Variants in MSRA observed in about 807,000 individuals in gnomAD.
The protein encoded by MSRA is mitochondrial peptide methionine sulfoxide reductase.
In MSRA, 54 loss-of-function variants were observed where a neutral mutation model predicts 31.3. That is an observed-to-expected ratio of 1.73 (90% CI 1.39 to 2.17). The LOEUF (loss-of-function observed/expected upper bound fraction) is 2.17, where lower values mean the gene tolerates loss of function less well. MSRA is among the 30% of genes most tolerant of loss of function. MSRA has a pLI of 0.00. For synonymous variants in MSRA, 169 were observed against 116.5 expected (o/e 1.45, Z -2.90); for missense variants, 507 against 300.9 (o/e 1.69, Z -5.07).
At chr8:10,060,520 G>C (rs887749941) in intron 1 of MSRA, among the ~76,000 whole-genome samples, 5 of 152,102 alleles carry the variant, frequency 3.3e-5, no homozygotes, top group African/African-American at 9.7e-5. Context: ...TTTGTAACTT[G>C]CTTCTTGTAA....
intron 1 of MSRA, among the ~76,000 whole-genome samples, chr8:10,136,662 C>G (rs1447752016): frequency 6.6e-6 from 1 of 152,204 alleles, no homozygotes; most frequent in East Asian, 1.9e-4. Context: ...TGGTTAGATG[C>G]AGGCCTTCCA....
intron 1 of MSRA, among the ~76,000 whole-genome samples, chr8:10,083,136 T>C (rs2128923885): frequency 6.6e-6 from 1 of 152,334 alleles, no homozygotes; most frequent in Middle Eastern, 3.4e-3. Flanking sequence ...ATCACTCAGA[T>C]ACATTTTTTT....
At chr8:10,279,822 A>G (rs1371138199) in intron 3 of MSRA, among the ~76,000 whole-genome samples, 2 of 152,196 alleles carry the variant, frequency 1.3e-5, no homozygotes, top group African/African-American at 2.4e-5. Flanking sequence ...ATAGGCCATG[A>G]ATATGTATAT....
chr8:10,294,375 G>T (rs1005855970), intron 3 of MSRA, among the ~76,000 whole-genome samples: 2 of 152,214 alleles, frequency 1.3e-5, no homozygotes, highest in African/African-American at 4.8e-5. Context: ...TGCTGGGCCA[G>T]ACTGCTCAAA....
intron 1 of MSRA, among the ~76,000 whole-genome samples, chr8:10,057,629 C>G (rs1445698633): frequency 6.6e-6 from 1 of 152,064 alleles, no homozygotes; most frequent in Non-Finnish European, 1.5e-5. Context: ...TTGAAACATG[C>G]GGGGGGTGGA....
chr8:10,350,987 ACT>A (rs1804096409), intron 5 of MSRA, among the ~76,000 whole-genome samples: 2 of 151,936 alleles, frequency 1.3e-5, no homozygotes, highest in African/African-American at 4.8e-5. Context: ...ACCCTCCAGA[ACT>A]CTTACTCCCC....
intron 1 of MSRA, among the ~76,000 whole-genome samples, chr8:10,081,634 C>T (rs1017019801): frequency 7.2e-5 from 11 of 152,080 alleles, no homozygotes; most frequent in East Asian, 1.9e-4. Flanking sequence ...GACTTATAGG[C>T]GCCCACAACG....
chr8:10,278,267 C>T (rs1234685320), intron 3 of MSRA, among the ~76,000 whole-genome samples: 1 of 152,132 alleles, frequency 6.6e-6, no homozygotes, highest in Non-Finnish European at 1.5e-5. Flanking sequence ...CCATCTGCTG[C>T]ATAAATTCCT....
intron 1 of MSRA, among the ~76,000 whole-genome samples, chr8:10,067,665 A>C (rs554642898): frequency 6.6e-6 from 1 of 152,146 alleles, no homozygotes; most frequent in African/African-American, 2.4e-5. Context: ...CTTGCTCCAC[A>C]TCCTTCCCGG....
chr8:10,065,117 C>G (rs555478336), intron 1 of MSRA, among the ~76,000 whole-genome samples: 5 of 152,262 alleles, frequency 3.3e-5, no homozygotes, highest in Non-Finnish European at 7.3e-5. Context: ...TCTGCAGGGA[C>G]TTCTGCTGGT....
At chr8:10,395,586 G>T (rs980180251) in intron 5 of MSRA, among the ~76,000 whole-genome samples, 2 of 152,204 alleles carry the variant, frequency 1.3e-5, no homozygotes, top group Admixed American at 1.3e-4. Flanking sequence ...GAAGGCTCTT[G>T]CAGAAGTCCA....
At chr8:10,370,165 G>A (rs183650177) in intron 5 of MSRA, among the ~76,000 whole-genome samples, 44 of 152,286 alleles carry the variant, frequency 2.9e-4, no homozygotes, top group Non-Finnish European at 5.4e-4. Flanking sequence ...CCTCAAGCCT[G>A]GTTCATTAGT....
At chr8:10,186,885 C>G (rs1053853958) in intron 1 of MSRA, among the ~76,000 whole-genome samples, 2 of 152,112 alleles carry the variant, frequency 1.3e-5, no homozygotes, top group African/African-American at 4.8e-5. Flanking sequence ...AAAGATCTTG[C>G]TTTGGTTTTT....
At chr8:10,082,693 C>A (rs1174894197) in intron 1 of MSRA, among the ~76,000 whole-genome samples, 1 of 152,116 alleles carries the variant, frequency 6.6e-6, no homozygotes, top group Non-Finnish European at 1.5e-5. Context: ...AAGTGGTGAC[C>A]GGGCTTGAGG....
intron 3 of MSRA, among the ~76,000 whole-genome samples, chr8:10,294,848 G>A (rs888824966): frequency 6.6e-6 from 1 of 152,096 alleles, no homozygotes; most frequent in Non-Finnish European, 1.5e-5. Context: ...CCTGAGCACC[G>A]GGACCAGGGC....
intron 3 of MSRA, among the ~76,000 whole-genome samples, chr8:10,258,679 G>A (rs1798309581): frequency 6.6e-6 from 1 of 152,232 alleles, no homozygotes; most frequent in Non-Finnish European, 1.5e-5. Flanking sequence ...TCTCTCCTAA[G>A]TTCTGAACTA....
At chr8:10,241,226 C>T (rs556203029) in intron 2 of MSRA, among the ~76,000 whole-genome samples, 2 of 152,124 alleles carry the variant, frequency 1.3e-5, no homozygotes, top group South Asian at 4.2e-4. Context: ...AACTAGGCTT[C>T]TTGGTGAAAT....
intron 2 of MSRA, among the ~76,000 whole-genome samples, chr8:10,237,103 T>C (rs1451241530): frequency 6.6e-6 from 1 of 152,266 alleles, no homozygotes; most frequent in Non-Finnish European, 1.5e-5. Context: ...AGTAATATTC[T>C]GAACTAGTTA....
chr8:10,109,777 T>G (rs1800148542), intron 1 of MSRA, among the ~76,000 whole-genome samples: 1 of 152,242 alleles, frequency 6.6e-6, no homozygotes, highest in Non-Finnish European at 1.5e-5. Flanking sequence ...ATGAAGTCAT[T>G]CATTTCATGA....
Sources: allele counts gnomAD v4.1 joint callset (sites outside exome capture counted in the v4.1 genomes callset), GRCh38; gene constraint gnomAD v4.1.1; transcripts MANE v1.5; gene names NCBI Gene and HGNC (gene_info 2026-07-23, HGNC 2026-07-21).